Variants in ZSCAN10 observed in about 807,000 individuals in gnomAD.
The protein encoded by ZSCAN10 is zinc finger and SCAN domain containing 10, also known as zinc finger and SCAN domain-containing protein 10.
A neutral mutation model predicts 63.7 loss-of-function variants in ZSCAN10; 52 were observed. The ratio of observed to expected loss-of-function variants is 0.82; its 90% CI spans 0.65 to 1.03. The LOEUF is 1.03. Ranked by LOEUF, ZSCAN10 falls within the 50% of genes least tolerant of loss-of-function variation. The pLI is 0.00. For missense variants in ZSCAN10, 1,223 were observed against 1,103.8 expected, an observed-to-expected ratio of 1.11 and a Z score of -1.53; for synonymous variants, 544 against 479.6, an observed-to-expected ratio of 1.13 and a Z score of -1.76.
Position 3,089,120 on chromosome 16 carries a change from G to T in ZSCAN10, c.2314C>A (p.Arg772Ser). The change falls in exon 6 of 6, where the codon CGC becomes AGC. Residue 772 changes from arginine to serine, a missense_variant. By Grantham distance (110) the Arg-to-Ser change is moderately radical. Transcript: ENST00000576985. ...TACAGCGTCTCGCGGGCGTGGGTGC[G>T]CAGGTGGCGCAGCAGGTGGGAGTTG... ...SRNSHLLRHL[R>S]THARETLY 1 of 1,517,434 alleles carries T rather than the reference G, an allele frequency of 6.6e-7. No individual in the cohort carries two copies. The highest frequency in any genetic ancestry group is 8.7e-7 in the Non-Finnish European group (1 of 1,143,850). The allele number at this position is 1,517,434 out of a possible 1,614,324, so 94.0% of individuals were successfully genotyped here.
chr16:3,096,123 C>G (rs979765695), intron 1 of ZSCAN10, among the ~76,000 whole-genome samples: 1 of 152,242 alleles, frequency 6.6e-6, no homozygotes, highest in African/African-American at 2.4e-5. Context: ...CAGTACTACC[C>G]ATGGGGAACC....
chr16:3,089,260 T>G lies in ZSCAN10; in HGVS notation c.2174A>C (p.Glu725Ala), dbSNP rs1443564235. Residue 725 changes from glutamate to alanine, a missense_variant, in exon 6 of 6, where the codon GAG (glutamate) becomes GCG (alanine). Coordinates refer to ENST00000576985, the MANE Select transcript of ZSCAN10 (RefSeq NM_032805.3). ...GAAGCTCTTCCCGCACTCCACGCAC[T>G]CCTGCGGGGGCTCGGCCTGCTCCTG... ...PGQEQAEPPQECVECGKSFSR... is the reference protein window; with the variant it reads ...PGQEQAEPPQACVECGKSFSR... 2 of 1,573,272 alleles carry G rather than the reference T, an allele frequency of 1.3e-6. No homozygotes were observed.
intron 1 of ZSCAN10, among the ~76,000 whole-genome samples, chr16:3,095,197 A>G (rs1198102670): frequency 1.3e-5 from 2 of 151,212 alleles, no homozygotes; most frequent in Admixed American, 1.3e-4. Context: ...CCTGGGCAAC[A>G]TGGCACGACC....
Position 3,089,100 on chromosome 16 carries a change from C to T in ZSCAN10, c.2334G>A (p.Thr778=), listed in dbSNP as rs1169451237. 2.7e-6 allele frequency: 4 copies of T among 1,500,822 alleles called. No individual in the cohort carries two copies. Among genetic ancestry groups the T allele is most frequent in the South Asian group, 2.6e-5 (2 of 75,630 alleles). 93.0% of individuals were successfully genotyped at this position (1,500,822 alleles called of 1,614,324 possible). Residue 778 remains threonine, a synonymous_variant, in exon 6 of 6, where the codon ACG becomes ACA. Coordinates refer to ENST00000576985, the MANE Select transcript of ZSCAN10 (RefSeq NM_032805.3). ...CGGAAGGCGGGCCAAGCTAGTACAG[C>T]GTCTCGCGGGCGTGGGTGCGCAGGT... ...LRHLRTHARE[T]LY
In ZSCAN10 at chr16:3,089,352, C is replaced by G. The variant is rs979479909; in HGVS notation, c.2082G>C (p.Thr694=). Residue 694 remains threonine (T), a synonymous_variant, in exon 6 of 6, where the codon ACG becomes ACC. Coordinates refer to ENST00000576985, the MANE Select transcript of ZSCAN10 (RefSeq NM_032805.3). ...CGTTGCGCCGGAAGCTGCGACCGCA[C>G]GTCTGACAGCTGTAGGGCCGCTCGC... is the stretch of plus-strand genomic sequence containing the variant. ...HTGERPYSCQ[T]CGRSFRRNAH... The G allele has an allele frequency of 2.5e-6, 4 of 1,595,166 alleles. No homozygotes were observed. The highest frequency in any genetic ancestry group is 2.7e-5 in the African/African-American group (2 of 74,222).
At position 3,089,725 on chromosome 16, in the gene ZSCAN10, C is replaced by A; in HGVS notation, c.1709G>T (p.Arg570Leu). ...TQSSQLVSHQRVHTGEKPYAC... is the reference protein window; with the variant it reads ...TQSSQLVSHQLVHTGEKPYAC... ...GTAGGGCTTCTCGCCCGTGTGCACC[C>A]GTTGGTGGCTGACCAGCTGCGAGCT... is the stretch of plus-strand genomic sequence containing the variant. The change falls in exon 6 of 6, where the codon CGG (arginine) becomes CTG (leucine). Residue 570 changes from arginine (R) to leucine (L), a missense_variant. Coordinates refer to ENST00000576985, the MANE Select transcript of ZSCAN10 (RefSeq NM_032805.3). The A allele has an allele frequency of 6.2e-7, 1 of 1,603,434 alleles. No individual in the cohort carries two copies. The highest frequency in any genetic ancestry group is 2.2e-5 in the East Asian group (1 of 44,744).
At chr16:3,091,458 C>G in intron 5 of ZSCAN10, 82 bp downstream of exon 5, 1 of 1,491,718 alleles carries the variant, frequency 6.7e-7, no homozygotes, top group Admixed American at 1.7e-5. Context: ...GCCTGGGCAA[C>G]ATAGCGAGAT....
In ZSCAN10 at chr16:3,092,624, T is replaced by A; in HGVS notation, c.314A>T (p.Gln105Leu). 6.2e-7 allele frequency: 1 copy of A among 1,607,046 alleles called. No homozygotes were observed. The highest frequency in any genetic ancestry group is 2.2e-5 in the East Asian group (1 of 44,718). ...CTCCCCATCCCTGAGCGGCTGCCCCTGCAGGCGGCCCAGGAGGTGCGGAGG... is the reference window on the plus strand; with the variant it reads ...CTCCCCATCCCTGAGCGGCTGCCCCAGCAGGCGGCCCAGGAGGTGCGGAGG... ...VLPPHLLGRL[Q>L]GQPLRDGEEV... The change falls in exon 2 of 6, where the codon CAG (glutamine) becomes CTG (leucine). Residue 105 changes from glutamine to leucine, a missense_variant. Gln to Leu is a moderately radical substitution (Grantham distance 113). Transcript: ENST00000576985.
intron 1 of ZSCAN10, among the ~76,000 whole-genome samples, chr16:3,097,478 C>T (rs1177953655): frequency 6.6e-6 from 1 of 152,208 alleles, no homozygotes; most frequent in East Asian, 1.9e-4. Context: ...CTAGCGTTAA[C>T]CCTCAAGCTC....
Position 3,090,133 on chromosome 16 carries a change from C to A in ZSCAN10, c.1301G>T (p.Cys434Phe). The change falls in exon 6 of 6, where the codon TGC becomes TTC. Residue 434 changes from cysteine to phenylalanine, a missense_variant. By Grantham distance (205) the Cys-to-Phe change is radical. Transcript: ENST00000576985. ...LTHSSEPAFL[C>F]AECGRGFQRR... Reference sequence around the variant, plus strand: ...CTGGAAGCCGCGGCCGCACTCTGCGCACAGGAAGGCGGGTTCGGAGGAGTG... The same window carrying A: ...CTGGAAGCCGCGGCCGCACTCTGCGAACAGGAAGGCGGGTTCGGAGGAGTG... The A allele has an allele frequency of 6.2e-7, 1 of 1,600,462 alleles. No homozygotes were observed. Among genetic ancestry groups the A allele is most frequent in the Non-Finnish European group, 8.5e-7 (1 of 1,176,932 alleles).
rs2151213173 is a variant in ZSCAN10 at position 3,089,080 on chromosome 16, G to A, written c.*11C>T. The A allele has an allele frequency of 6.8e-7, 1 of 1,475,236 alleles. No homozygotes were observed. Among genetic ancestry groups the A allele is most frequent in the South Asian group, 1.4e-5 (1 of 73,238 alleles). The allele number at this position is 1,475,236 out of a possible 1,614,324, so 91.4% of individuals were successfully genotyped here. A position where few individuals can be genotyped will look rare whatever the true frequency, so the allele number is the denominator to read the frequency against. On this transcript the variant is annotated 3_prime_UTR_variant, in exon 6 of 6. Coordinates refer to ENST00000576985, the MANE Select transcript of ZSCAN10 (RefSeq NM_032805.3). Reference sequence around the variant, plus strand: ...GTGGCGCAGGGCGCGGCTGGCGGAAGGCGGGCCAAGCTAGTACAGCGTCTC... The same window carrying A: ...GTGGCGCAGGGCGCGGCTGGCGGAAAGCGGGCCAAGCTAGTACAGCGTCTC...
At chr16:3,098,616 C>T (rs1160308696) in intron 1 of ZSCAN10, among the ~76,000 whole-genome samples, 1 of 152,196 alleles carries the variant, frequency 6.6e-6, no homozygotes, top group Admixed American at 6.5e-5. Context: ...ATCTCTCCCT[C>T]CCCCCAGATC....
At position 3,089,207 on chromosome 16, in the gene ZSCAN10, G is replaced by C. The variant is rs555768061; in HGVS notation, c.2227C>G (p.Leu743Val). The C allele has an allele frequency of 1.0e-4, 164 of 1,583,874 alleles. 1 individual carries two copies. In the South Asian group the frequency reaches 1.8e-3, roughly 17 times the overall value. ...FSRSCNLLRH[L>V]LVHTGARPYS... ...GGCCTGGCGCCCGTGTGCACCAGCA[G>C]GTGTCGCAGCAGATTGCAGCTGCGG... The change falls in exon 6 of 6, where the codon CTG becomes GTG. Residue 743 changes from leucine (L) to valine (V), a missense_variant. By Grantham distance (32) the Leu-to-Val change is conservative. Coordinates refer to ENST00000576985, the MANE Select transcript of ZSCAN10 (RefSeq NM_032805.3).
At chr16:3,091,911 T>A (rs2151216035) in intron 3 of ZSCAN10, 83 bp from the exon 4 acceptor site, 1 of 1,597,486 alleles carries the variant, frequency 6.3e-7, no homozygotes, top group Non-Finnish European at 8.5e-7. Flanking sequence ...ACACACCGCA[T>A]CATCCGGGCC....
At chr16:3,094,023 A>G (rs980854729) in intron 1 of ZSCAN10, among the ~76,000 whole-genome samples, 3 of 151,784 alleles carry the variant, frequency 2.0e-5, no homozygotes, top group Non-Finnish European at 2.9e-5. Flanking sequence ...TAATTTATTT[A>G]TTTTTTTGAG....
chr16:3,097,124 G>A (rs1334841416), intron 1 of ZSCAN10, among the ~76,000 whole-genome samples: 1 of 151,718 alleles, frequency 6.6e-6, no homozygotes, highest in Non-Finnish European at 1.5e-5. Flanking sequence ...ACTCAGCCTT[G>A]GGCAGCCTCT....
At chr16:3,098,196 G>C (rs942484777) in intron 1 of ZSCAN10, among the ~76,000 whole-genome samples, 2 of 152,096 alleles carry the variant, frequency 1.3e-5, no homozygotes, top group African/African-American at 2.4e-5. Flanking sequence ...ATCCATTGCC[G>C]TGCAGGAGCA....
At chr16:3,096,146 G>GC (rs1957151531) in intron 1 of ZSCAN10, among the ~76,000 whole-genome samples, 1 of 152,202 alleles carries the variant, frequency 6.6e-6, no homozygotes, top group South Asian at 2.1e-4. Flanking sequence ...CGAAATTTCG[G>GC]CCCCACCCAC....
At position 3,094,683 on chromosome 16, in the gene ZSCAN10, C is replaced by A. The variant is rs79364421; in HGVS notation, c.-67-1679G>T. On this transcript the variant is annotated intron_variant, in intron 1 of 5. Transcript: ENST00000576985. The stretch of plus-strand genomic sequence containing the variant: ...TAGATCCAACTTCCAATGTTTAGGG[C>A]CTTGCAGGGAATATGGAACAAGTCA... Among the ~76,000 whole-genome samples, 17 of 151,976 alleles carry A rather than the reference C, an allele frequency of 1.1e-4. No homozygotes were observed. The East Asian group carries it at 3.1e-3, about 28-fold the overall frequency.
Sources: allele counts gnomAD v4.1 joint callset (sites outside exome capture counted in the v4.1 genomes callset), GRCh38; gene constraint gnomAD v4.1.1; transcripts MANE v1.5; gene names NCBI Gene and HGNC (gene_info 2026-07-23, HGNC 2026-07-21).